The following KIAA1549L variants were observed in gnomAD, a reference collection of about 807,000 sequenced individuals.
The protein encoded by KIAA1549L is KIAA1549 like.
Under a neutral mutation model 160.7 loss-of-function variants are expected in KIAA1549L, and 88 were observed. That is an observed-to-expected ratio of 0.55 (90% CI 0.46 to 0.65). KIAA1549L has a LOEUF of 0.65. Among genes scored for constraint, KIAA1549L ranks in the 30% least tolerant of loss-of-function variants. The pLI is 0.00. For synonymous variants in KIAA1549L, 950 were observed against 976.7 expected (o/e 0.97, Z 0.51); for missense variants, 2,258 against 2,437.5 (o/e 0.93, Z 1.55).
At chr11:33,457,656 C>T (rs1219362791) in intron 1 of KIAA1549L, among the ~76,000 whole-genome samples, 1 of 152,208 alleles carries the variant, frequency 6.6e-6, no homozygotes, top group African/African-American at 2.4e-5. Context: ...GGTGTTTCCA[C>T]AGCATTCATT....
chr11:33,631,941 A>G (rs1162476104), intron 16 of KIAA1549L, among the ~76,000 whole-genome samples: 1 of 151,778 alleles, frequency 6.6e-6, no homozygotes, highest in Non-Finnish European at 1.5e-5. Flanking sequence ...AGAAGAGGTG[A>G]CTCCTGAGCT....
chr11:33,603,423 G>C (rs994254632), intron 13 of KIAA1549L, among the ~76,000 whole-genome samples: 3 of 152,102 alleles, frequency 2.0e-5, no homozygotes, highest in African/African-American at 7.2e-5. Context: ...AGAGAACTGG[G>C]CATATAGAGA....
chr11:33,545,251 G>A lies in KIAA1549L; in HGVS notation c.3258G>A (p.Arg1086=). 1 of 1,614,046 alleles carries A rather than the reference G, an allele frequency of 6.2e-7. No homozygotes were observed. Among genetic ancestry groups the A allele is most frequent in the South Asian group, 1.1e-5 (1 of 91,090 alleles). Residue 1086 remains arginine, a synonymous_variant, in exon 3 of 21, where the codon CGG becomes CGA. Coordinates refer to ENST00000658780, the MANE Select transcript of KIAA1549L (RefSeq NM_012194.3). The part of the protein sequence containing the change: ...TSITASVKAT[R]LPPLRAENTD... ...TTACAGCCTCAGTGAAGGCCACCCGGTTGCCACCATTGCGAGCAGAAAACA... is the reference window on the plus strand; with the variant it reads ...TTACAGCCTCAGTGAAGGCCACCCGATTGCCACCATTGCGAGCAGAAAACA...
At chr11:33,571,055 C>T (rs1855236586) in intron 9 of KIAA1549L, among the ~76,000 whole-genome samples, 1 of 152,216 alleles carries the variant, frequency 6.6e-6, no homozygotes, top group Non-Finnish European at 1.5e-5. Context: ...GAGGCCAAGG[C>T]AGGTGGATCA....
intron 1 of KIAA1549L, among the ~76,000 whole-genome samples, chr11:33,476,059 C>T (rs1266042727): frequency 6.6e-6 from 1 of 152,196 alleles, no homozygotes; most frequent in East Asian, 1.9e-4. Context: ...GGAAACTCCA[C>T]ACAACTGGTC....
chr11:33,566,621 A>G (rs1855056562), intron 8 of KIAA1549L, among the ~76,000 whole-genome samples: 2 of 152,240 alleles, frequency 1.3e-5, no homozygotes, highest in African/African-American at 2.4e-5. Context: ...GTAATTTCAG[A>G]GACCTAGCTG....
rs563702719 is a variant in KIAA1549L, at chr11:33,476,582, T to C, written c.239-65220T>C. On this transcript the variant is annotated intron_variant, in intron 1 of 20. Transcript: ENST00000658780. ...ACAGTAGCCTACTGGCACCTACCTGTCCTGGCCTCTCTCACCTCTCTTCGT... is the reference window on the plus strand; with the variant it reads ...ACAGTAGCCTACTGGCACCTACCTGCCCTGGCCTCTCTCACCTCTCTTCGT... Among the ~76,000 whole-genome samples the C allele has an allele frequency of 6.2e-4, 94 of 152,338 alleles. No individual in the cohort carries two copies. In the Middle Eastern group the frequency reaches 0.01, roughly 17 times the overall value.
chr11:33,506,587 TGG>T, intron 1 of KIAA1549L, among the ~76,000 whole-genome samples: 1 of 151,786 alleles, frequency 6.6e-6, no homozygotes, highest in East Asian at 2.0e-4. Context: ...CTGGGCATGG[TGG>T]CATTTAGTCC....
chr11:33,439,912 T>C (rs1727503885), intron 1 of KIAA1549L, among the ~76,000 whole-genome samples: 1 of 152,110 alleles, frequency 6.6e-6, no homozygotes, highest in South Asian at 2.1e-4. Flanking sequence ...ATCATATAGC[T>C]AGCTTATTTC....
chr11:33,547,642 G>T, intron 3 of KIAA1549L, 122 bp from the exon 4 acceptor site: 1 of 652,730 alleles, frequency 1.5e-6, no homozygotes. Flanking sequence ...CTCAATGATG[G>T]CCCTGTGCTT....
rs572375286 is a variant in KIAA1549L at position 33,633,047 on chromosome 11, C to T, written c.5410-12639C>T. On this transcript the variant is annotated intron_variant, in intron 16 of 20. Coordinates refer to ENST00000658780, the MANE Select transcript of KIAA1549L (RefSeq NM_012194.3). Reference sequence around the variant, plus strand: ...CTGGAGTGCAATGGTGTGGTCTCAGCTCACTGCAACCTCCACCTCCTGGGT... The same window carrying T: ...CTGGAGTGCAATGGTGTGGTCTCAGTTCACTGCAACCTCCACCTCCTGGGT... Among the ~76,000 whole-genome samples the T allele has an allele frequency of 1.1e-3, 159 of 151,300 alleles. 1 individual carries two copies. The highest frequency in any genetic ancestry group is 3.6e-3 in the African/African-American group (149 of 41,152).
Position 33,545,096 on chromosome 11 carries a change from C to G in KIAA1549L, c.3103C>G (p.Leu1035Val). 1 of 1,614,028 alleles carries G rather than the reference C, an allele frequency of 6.2e-7. No homozygotes were observed. Among genetic ancestry groups the G allele is most frequent in the South Asian group, 1.1e-5 (1 of 91,084 alleles). The change falls in exon 3 of 21, where the codon CTG becomes GTG. Residue 1035 changes from leucine to valine, a missense_variant. Physicochemically the swap from Leu to Val is conservative, Grantham distance 32 (BLOSUM62 1). Coordinates refer to ENST00000658780, the MANE Select transcript of KIAA1549L (RefSeq NM_012194.3). Reference sequence around the variant, plus strand: ...AGGAAACATGGACACTGCCTCTGGCCTGTTGTCTACAACTTACCTCCCCAG... The same window carrying G: ...AGGAAACATGGACACTGCCTCTGGCGTGTTGTCTACAACTTACCTCCCCAG... ...MQGNMDTASG[L>V]LSTTYLPRKP...
At chr11:33,399,106 C>T (rs982762076) in intron 1 of KIAA1549L, among the ~76,000 whole-genome samples, 10 of 152,098 alleles carry the variant, frequency 6.6e-5, no homozygotes, top group Admixed American at 2.6e-4. Flanking sequence ...GCATGCACCA[C>T]CACGCCTGGC....
intron 6 of KIAA1549L, among the ~76,000 whole-genome samples, chr11:33,555,973 CA>C (rs1182457152): frequency 1.3e-5 from 2 of 151,808 alleles, no homozygotes; most frequent in Admixed American, 6.6e-5. Flanking sequence ...TAAAAACAAA[CA>C]AAAAAATCCA....
intron 20 of KIAA1549L, among the ~76,000 whole-genome samples, chr11:33,662,831 G>A (rs1852312139): frequency 1.3e-5 from 2 of 152,162 alleles, no homozygotes; most frequent in African/African-American, 4.8e-5. Context: ...CCTTAAAGAT[G>A]AAGAGAAAGG....
chr11:33,630,748 G>A (rs58175114), intron 16 of KIAA1549L, among the ~76,000 whole-genome samples: 8,225 of 152,222 alleles, frequency 0.054, 550 homozygotes, highest in African/African-American at 0.16. Flanking sequence ...CTTCTGCGTC[G>A]CTCACGCTGG....
intron 10 of KIAA1549L, among the ~76,000 whole-genome samples, chr11:33,580,117 T>C (rs1379132322): frequency 6.6e-6 from 1 of 152,200 alleles, no homozygotes; most frequent in Non-Finnish European, 1.5e-5. Context: ...AGCATTTGAC[T>C]TAGGCAGCTA....
At position 33,382,760 on chromosome 11, in the gene KIAA1549L, A is replaced by C. The variant is rs181903877; in HGVS notation, c.238+5871A>C. 1.2e-4 allele frequency among the ~76,000 whole-genome samples: 18 copies of C among 152,240 alleles called. 1 individual carries two copies. The East Asian group carries it at 3.3e-3, about 28-fold the overall frequency. Reference sequence around the variant, plus strand: ...CTCATCCTTCCCATCCCCACAAAGTAAAGAAAATGATCTTGGGGCCAGAGC... The same window carrying C: ...CTCATCCTTCCCATCCCCACAAAGTCAAGAAAATGATCTTGGGGCCAGAGC... On this transcript the variant is annotated intron_variant, in intron 1 of 20. Coordinates refer to ENST00000658780, the MANE Select transcript of KIAA1549L (RefSeq NM_012194.3).
intron 1 of KIAA1549L, among the ~76,000 whole-genome samples, chr11:33,458,975 A>T (rs1851885338): frequency 6.6e-6 from 1 of 152,246 alleles, no homozygotes; most frequent in Admixed American, 6.5e-5. Flanking sequence ...AGCCGTGGCA[A>T]GATGGGGAGT....
Sources: allele counts gnomAD v4.1 joint callset (sites outside exome capture counted in the v4.1 genomes callset), GRCh38; gene constraint gnomAD v4.1.1; transcripts MANE v1.5; gene names NCBI Gene and HGNC (gene_info 2026-07-23, HGNC 2026-07-21).